FLT3: variants seen among roughly 807,000 people sequenced by gnomAD.
FLT3 encodes fms related receptor tyrosine kinase 3.
In FLT3, 46 loss-of-function variants were observed where a neutral mutation model predicts 126.6. The ratio of observed to expected loss-of-function variants is 0.36; its 90% CI spans 0.29 to 0.46. The LOEUF (loss-of-function observed/expected upper bound fraction) is 0.46. Ranked by LOEUF, FLT3 falls within the 20% of genes least tolerant of loss-of-function variation. The pLI is 1.00. For synonymous variants in FLT3, 404 were observed against 434.4 expected (o/e 0.93, Z 0.87); for missense variants, 1,069 against 1,190.3 (o/e 0.90, Z 1.50).
At chr13:28,024,257 A>C (rs1474035358) in intron 18 of FLT3, among the ~76,000 whole-genome samples, 1 of 151,116 alleles carries the variant, frequency 6.6e-6, no homozygotes, top group Non-Finnish European at 1.5e-5. Context: ...TCAGCCTCCC[A>C]AGTAGCTGGG....
chr13:28,098,018 T>C (rs925259885), intron 1 of FLT3, among the ~76,000 whole-genome samples: 11 of 152,064 alleles, frequency 7.2e-5, no homozygotes, highest in African/African-American at 2.4e-4. Flanking sequence ...AAATGATGAA[T>C]AGAAGTCTGG....
chr13:28,069,017 G>A (rs759906040), intron 2 of FLT3, among the ~76,000 whole-genome samples: 5 of 151,964 alleles, frequency 3.3e-5, no homozygotes, highest in Non-Finnish European at 7.3e-5. Context: ...AAAGAGAGGA[G>A]TCATGAAAAA....
At chr13:28,027,380 C>T (rs1372875877) in intron 16 of FLT3, 139 bp from the exon 17 acceptor site, 1 of 550,730 alleles carries the variant, frequency 1.8e-6, no homozygotes, top group South Asian at 3.1e-5. Flanking sequence ...CTGAGCCTAG[C>T]TCTTCTTATA....
intron 1 of FLT3, among the ~76,000 whole-genome samples, chr13:28,096,718 C>T (rs1879478112): frequency 6.6e-6 from 1 of 152,120 alleles, no homozygotes; most frequent in Non-Finnish European, 1.5e-5. Flanking sequence ...AGGCATGAGC[C>T]ATCGCACCCA....
At chr13:28,067,076 T>C (rs1441821368) in intron 2 of FLT3, among the ~76,000 whole-genome samples, 5 of 152,120 alleles carry the variant, frequency 3.3e-5, no homozygotes, top group African/African-American at 9.7e-5. Flanking sequence ...CAGGCTGGAG[T>C]GCAATGCATG....
intron 2 of FLT3, among the ~76,000 whole-genome samples, chr13:28,067,110 C>T (rs1350143757): frequency 6.6e-6 from 1 of 152,208 alleles, no homozygotes; most frequent in East Asian, 1.9e-4. Flanking sequence ...GCAACCTCCG[C>T]CTCTGGGGTT....
chr13:28,066,916 T>C (rs9554232), intron 2 of FLT3, among the ~76,000 whole-genome samples: 27,539 of 152,116 alleles, frequency 0.18, 2,605 homozygotes, highest in Middle Eastern at 0.24. Flanking sequence ...GCAGTGGGGA[T>C]ACCTGGCATG....
At position 28,049,646 on chromosome 13, in the gene FLT3, C is replaced by G. The variant is rs750925076; in HGVS notation, c.871G>C (p.Ala291Pro). The change falls in exon 7 of 24, where the codon GCA (alanine) becomes CCA (proline). Residue 291 changes from alanine to proline, a missense_variant. Coordinates refer to ENST00000241453, the MANE Select transcript of FLT3 (RefSeq NM_004119.3). ...FGLTWELENKALEEGNYFEMS... is the reference protein window; with the variant it reads ...FGLTWELENKPLEEGNYFEMS... ...ACTTGTCCTATTACCTCCTCGAGTG[C>G]TTTGTTTTCTAATTCCCAGGTGAGC... The G allele has an allele frequency of 3.0e-5, 48 of 1,614,022 alleles. No individual in the cohort carries two copies. The highest frequency in any genetic ancestry group is 3.7e-5 in the Non-Finnish European group (44 of 1,180,020).
intron 8 of FLT3, among the ~76,000 whole-genome samples, chr13:28,048,871 T>C (rs1290184250): frequency 1.3e-5 from 2 of 152,206 alleles, no homozygotes; most frequent in Admixed American, 6.5e-5. Context: ...TTCTCGGCAT[T>C]TTCATTATGG....
At chr13:28,063,353 G>A (rs559380385) in intron 2 of FLT3, among the ~76,000 whole-genome samples, 15 of 152,086 alleles carry the variant, frequency 9.9e-5, no homozygotes, top group South Asian at 6.2e-4. Context: ...GGTGGTAGGC[G>A]CCTGTAATCC....
At position 28,028,211 on chromosome 13, in the gene FLT3, T is replaced by C; in HGVS notation, c.2020A>G (p.Ile674Val). 1 of 1,610,464 alleles carries C rather than the reference T, an allele frequency of 6.2e-7. No homozygotes were observed. Among genetic ancestry groups the C allele is most frequent in the Non-Finnish European group, 8.5e-7 (1 of 1,176,666 alleles). ...GTGCACGCCCCCAGCAGGTTCACAA[T>C]ATTCTCGTGGCTTCCCAGCTGGGTC... The part of the protein sequence containing the change: ...MMTQLGSHEN[I>V]VNLLGACTLS... Residue 674 changes from isoleucine to valine, a missense_variant, in exon 16 of 24, where the codon ATT becomes GTT. By Grantham distance (29) the Ile-to-Val change is conservative. Transcript: ENST00000241453.
Position 28,094,450 on chromosome 13 carries a change from T to G in FLT3, c.43+6018A>C, listed in dbSNP as rs1439785946. 2.6e-5 allele frequency among the ~76,000 whole-genome samples: 4 copies of G among 152,306 alleles called. No homozygotes were observed. In the South Asian group the frequency reaches 8.3e-4, roughly 32 times the overall value. On this transcript the variant is annotated intron_variant, in intron 1 of 23. Transcript: ENST00000241453. ...GTTCCTCTTTTAGGATCTTATGCAA[T>G]TTCTGTGGCCACAAAAGAACACTGT...
intron 7 of FLT3, 46 bp from the exon 8 acceptor site, chr13:28,049,583 G>A (rs2137728360): frequency 1.2e-6 from 2 of 1,612,798 alleles, no homozygotes; most frequent in Non-Finnish European, 1.7e-6. Flanking sequence ...TTTCAATCCA[G>A]ACTATTAGTT....
rs539908128 is a variant in FLT3 at position 28,075,771 on chromosome 13, T to C, written c.44-5159A>G. Among the ~76,000 whole-genome samples, 4 of 150,026 alleles carry C rather than the reference T, an allele frequency of 2.7e-5. No homozygotes were observed. In the South Asian group the frequency reaches 6.4e-4, roughly 24 times the overall value. On this transcript the variant is annotated intron_variant, in intron 1 of 23. Transcript: ENST00000241453. ...CACTTCATGTATTTATTTTTTCATGTTGAGACATCTAAAACCTACTCTCTT... is the reference window on the plus strand; with the variant it reads ...CACTTCATGTATTTATTTTTTCATGCTGAGACATCTAAAACCTACTCTCTT...
At position 28,050,187 on chromosome 13, in the gene FLT3, T is replaced by A; in HGVS notation, c.650A>T (p.Glu217Val). The A allele has an allele frequency of 6.2e-7, 1 of 1,614,096 alleles. No individual in the cohort carries two copies. Among genetic ancestry groups the A allele is most frequent in the South Asian group, 1.1e-5 (1 of 91,082 alleles). ...KEESPAVVKK[E>V]EKVLHELFGT... ...AAATAATTCATGAAGCACTTTTTCC[T>A]CCTTTTTAACAACAGCTGGACTTTC... is the stretch of plus-strand genomic sequence containing the variant. Residue 217 changes from glutamate (E) to valine (V), a missense_variant, in exon 6 of 24, where the codon GAG becomes GTG. Coordinates refer to ENST00000241453, the MANE Select transcript of FLT3 (RefSeq NM_004119.3).
chr13:28,049,562 G>T lies in FLT3; in HGVS notation c.883-25C>A, dbSNP rs9507985. 300,231 of 1,611,108 alleles carry T rather than the reference G, an allele frequency of 0.19. 29,883 individuals are homozygous for T. The highest frequency in any genetic ancestry group is 0.25 in the Middle Eastern group (1,501 of 6,054). ...CCTAGGTTTTAATAAAACAGAGTTT[G>T]CATTTAATGTTTTCAATCCAGACTA... On this transcript the variant is annotated intron_variant, in intron 7 of 23. Coordinates refer to ENST00000241453, the MANE Select transcript of FLT3 (RefSeq NM_004119.3).
At chr13:28,023,131 T>C (rs539298753) in intron 19 of FLT3, among the ~76,000 whole-genome samples, 55 of 152,322 alleles carry the variant, frequency 3.6e-4, no homozygotes, top group Middle Eastern at 3.4e-3. Flanking sequence ...TTGTGCAGCC[T>C]GGGAGGGCTG....
chr13:28,049,747 A>G lies in FLT3; in HGVS notation c.770T>C (p.Leu257Ser), dbSNP rs1432510953. Residue 257 changes from leucine to serine, a missense_variant, in exon 7 of 24, where the codon TTG becomes TCG. Transcript: ENST00000241453. ...CCCTACTTTAAGAAATAATTGTGGC[A>G]ATGTGGTCTGAGGAGTTTGATTTAG... ...IDLNQTPQTT[L>S]PQLFLKVGEP... The G allele has an allele frequency of 1.9e-6, 3 of 1,614,134 alleles. No individual in the cohort carries two copies.
rs2491222 is a variant in FLT3, at chr13:28,033,779, T to A, written c.1942+108A>T. The A allele has an allele frequency of 0.72, 621,491 of 864,892 alleles. 230,995 individuals are homozygous for A. Among genetic ancestry groups the A allele is most frequent in the Non-Finnish European group, 0.78 (409,939 of 528,252 alleles). The allele number at this position is 864,892 out of a possible 1,614,324, so 53.6% of individuals were successfully genotyped here. The stretch of plus-strand genomic sequence containing the variant: ...CCACTCCATTTTTAGCCTTGAAACA[T>A]GGCAAACAGTAACCATTAAAAGGAT... On this transcript the variant is annotated intron_variant, in intron 15 of 23. Coordinates refer to ENST00000241453, the MANE Select transcript of FLT3 (RefSeq NM_004119.3).
Sources: allele counts gnomAD v4.1 joint callset (sites outside exome capture counted in the v4.1 genomes callset), GRCh38; gene constraint gnomAD v4.1.1; transcripts MANE v1.5; gene names NCBI Gene and HGNC (gene_info 2026-07-23, HGNC 2026-07-21).